The following MED16 variants were observed in gnomAD, a reference collection of about 807,000 sequenced individuals.
The protein encoded by MED16 is mediator complex subunit 16, also known as mediator of RNA polymerase II transcription subunit 16.
Under a neutral mutation model 84.4 loss-of-function variants are expected in MED16, and 81 were observed. That is an observed-to-expected ratio of 0.96 (90% confidence interval 0.80 to 1.15). The LOEUF is 1.15. MED16 is among the 50% of genes most tolerant of loss of function. The pLI is 0.00. For missense variants in MED16, 1,585 were observed against 1,245.9 expected, an observed-to-expected ratio of 1.27 and a Z score of -4.10; for synonymous variants, 897 against 552.2, an observed-to-expected ratio of 1.62 and a Z score of -8.76.
rs375159769 is a variant in MED16 at position 871,968 on chromosome 19, T to C, written c.2056A>G (p.Met686Val). The C allele has an allele frequency of 5.6e-6, 9 of 1,602,210 alleles. No homozygotes were observed. In the African/African-American group the frequency reaches 1.2e-4, roughly 22 times the overall value. The change falls in exon 12 of 16, where the codon ATG becomes GTG. Residue 686 changes from methionine to valine, a missense_variant. Met to Val is a conservative substitution (Grantham distance 21). Coordinates refer to ENST00000325464, the MANE Select transcript of MED16 (RefSeq NM_005481.3). ...GTGAGCAGGCGGAAGAGCAGGGACA[T>C]GCTGTCCTGGGTATCCGAGGTGGCC... ...YTATSDTQDS[M>V]SLLFRLLTKL...
intron 10 of MED16, among the ~76,000 whole-genome samples, 188 bp from the exon 11 acceptor site, chr19:873,770 C>T (rs1050341964): frequency 4.8e-5 from 7 of 145,320 alleles, no homozygotes; most frequent in South Asian, 2.2e-4. Context: ...CCACTGCCTG[C>T]CCCCCCCCGG....
intron 14 of MED16, 124 bp downstream of exon 14, chr19:868,739 C>A: frequency 8.6e-7 from 1 of 1,165,902 alleles, no homozygotes; most frequent in South Asian, 1.5e-5. Flanking sequence ...GGCTCCAACA[C>A]TCCCTCTGGG....
chr19:890,907 G>C (rs2036618551), intron 2 of MED16, 56 bp downstream of exon 2: 2 of 1,567,860 alleles, frequency 1.3e-6, no homozygotes, highest in Admixed American at 1.8e-5. Context: ...GGCACCTGGG[G>C]AACAGGGCGG....
chr19:885,461 G>C (rs936971209), intron 5 of MED16, among the ~76,000 whole-genome samples: 4 of 152,124 alleles, frequency 2.6e-5, no homozygotes, highest in Non-Finnish European at 4.4e-5. Flanking sequence ...GTTGGGGGGG[G>C]TCCGGGGGCC....
chr19:881,532 G>A (rs772760093), intron 7 of MED16, 27 bp downstream of exon 7: 131 of 1,595,840 alleles, frequency 8.2e-5, no homozygotes, highest in Admixed American at 7.6e-4. Flanking sequence ...CTGAGGCCCC[G>A]CGTGGCTGCC....
chr19:871,504 T>C, intron 12 of MED16: 9 of 1,513,726 alleles, frequency 5.9e-6, no homozygotes, highest in African/African-American at 1.4e-5. Flanking sequence ...AAAAAGTATG[T>C]GGGAAGCACT....
intron 13 of MED16, among the ~76,000 whole-genome samples, chr19:870,213 G>A (rs7256798): frequency 0.016 from 2,452 of 152,254 alleles, 72 homozygotes; most frequent in African/African-American, 0.055. Context: ...CAGAGACTAA[G>A]GGCAGAGGCT....
rs117182092 is a variant in MED16, at chr19:874,404, C to T, written c.1772-822G>A. ...TGGGATTACACACGAGTCGCCACGC[C>T]CAGCAACCCTAATTTTTAAAAGAAA... On this transcript the variant is annotated intron_variant, in intron 10 of 15. Transcript: ENST00000325464. Among the ~76,000 whole-genome samples, 18 of 152,210 alleles carry T rather than the reference C, an allele frequency of 1.2e-4. No individual in the cohort carries two copies. In the East Asian group the frequency reaches 3.5e-3, roughly 29 times the overall value.
intron 4 of MED16, among the ~76,000 whole-genome samples, chr19:888,366 T>C (rs1346410545): frequency 6.7e-6 from 1 of 149,948 alleles, no homozygotes; most frequent in Non-Finnish European, 1.5e-5. Flanking sequence ...TACTAAAAAA[T>C]TACAAAAATT....
intron 4 of MED16, among the ~76,000 whole-genome samples, chr19:889,421 C>A (rs939770778): frequency 6.6e-6 from 1 of 152,192 alleles, no homozygotes; most frequent in African/African-American, 2.4e-5. Flanking sequence ...CCAATGACAG[C>A]CAGACTGCAG....
At chr19:868,808 T>A in intron 14 of MED16, 55 bp downstream of exon 14, 1 of 1,516,936 alleles carries the variant, frequency 6.6e-7, no homozygotes, top group Non-Finnish European at 8.9e-7. Context: ...TAGAATCAGC[T>A]GAGCCATCCC....
In MED16 at chr19:876,838, A is replaced by G. The variant is rs377198439; in HGVS notation, c.1560+136T>C. 6.6e-4 allele frequency: 536 copies of G among 810,918 alleles called. 8 individuals are homozygous for G. In the South Asian group the frequency reaches 8.7e-3, roughly 13 times the overall value. 50.2% of individuals were successfully genotyped at this position (810,918 alleles called of 1,614,324 possible). On this transcript the variant is annotated intron_variant, in intron 9 of 15. Coordinates refer to ENST00000325464, the MANE Select transcript of MED16 (RefSeq NM_005481.3). ...ACTGACCACGGGGCCCCTGCCTGCC[A>G]CAGGGACAGCCCCACCTGGCACGGG...
rs1300816948 is a variant in MED16, at chr19:877,796, C to G, written c.1354-616G>C. 4.5e-5 allele frequency among the ~76,000 whole-genome samples: 5 copies of G among 111,814 alleles called. No homozygotes were observed. In the Admixed American group the frequency reaches 4.6e-4, roughly 10 times the overall value. The allele number at this position is 111,814 out of a possible 152,430, so 73.4% of individuals were successfully genotyped here. On this transcript the variant is annotated intron_variant, in intron 8 of 15. Coordinates refer to ENST00000325464, the MANE Select transcript of MED16 (RefSeq NM_005481.3). ...CCCAGCCCCAGCCCCAGCCCCAGCC[C>G]CACGTGCCCCAGCAGCTCGCCTTCC...
chr19:870,985 G>C (rs2036036252), intron 13 of MED16, 52 bp downstream of exon 13: 1 of 1,453,776 alleles, frequency 6.9e-7, no homozygotes. Context: ...CCCGGGGCAG[G>C]ACACGGAGGA....
rs2035952943 is a variant in MED16, at chr19:867,970, A to T, written c.*131T>A. 4 of 1,253,602 alleles carry T rather than the reference A, an allele frequency of 3.2e-6. No individual in the cohort carries two copies. Among genetic ancestry groups the T allele is most frequent in the Admixed American group, 5.6e-5 (2 of 35,630 alleles). 77.7% of individuals were successfully genotyped at this position (1,253,602 alleles called of 1,614,324 possible). A position where few individuals can be genotyped will look rare whatever the true frequency, so the allele number is the denominator to read the frequency against. On this transcript the variant is annotated 3_prime_UTR_variant, in exon 16 of 16. Coordinates refer to ENST00000325464, the MANE Select transcript of MED16 (RefSeq NM_005481.3). ...ACGGCAGGGACGCGGGCCTGGGCGC[A>T]GAGGGCGTTTATTGGACCTGTCCTT...
chr19:876,144 T>C (rs996297920), intron 9 of MED16, among the ~76,000 whole-genome samples: 1 of 152,156 alleles, frequency 6.6e-6, no homozygotes, highest in South Asian at 2.1e-4. Flanking sequence ...GGATTTTTTT[T>C]TTCCCATTTT....
Position 875,396 on chromosome 19 carries a change from G to T in MED16, c.1619C>A (p.Thr540Lys), listed in dbSNP as rs201618878. Residue 540 changes from threonine to lysine, a missense_variant, in exon 10 of 16, where the codon ACG (threonine) becomes AAG (lysine). Physicochemically the swap from Thr to Lys is moderately conservative, Grantham distance 78. Transcript: ENST00000325464. ...KASLCKLSPCTVTRVCDYHTK... is the reference protein window; with the variant it reads ...KASLCKLSPCKVTRVCDYHTK... The stretch of plus-strand genomic sequence containing the variant: ...GTGGTAGTCGCACACGCGGGTCACC[G>T]TGCAGGGCGACAGCTTGCAGAGCGA... The T allele has an allele frequency of 3.1e-6, 5 of 1,608,088 alleles. No homozygotes were observed. The highest frequency in any genetic ancestry group is 4.2e-6 in the Non-Finnish European group (5 of 1,179,750).
In MED16 at chr19:876,544, ACAG is replaced by A. The variant is rs1428623070; in HGVS notation, c.1560+427_1560+429del. On this transcript the variant is annotated intron_variant, in intron 9 of 15. Transcript: ENST00000325464. ...CCTTACCTGTGGGGCTTAACGTGTT[ACAG>A]AAGAAACTTCCCAGGTAAGGAAGGA... Among the ~76,000 whole-genome samples, 7 of 152,072 alleles carry A rather than the reference ACAG, an allele frequency of 4.6e-5. No homozygotes were observed. In the East Asian group the frequency reaches 1.3e-3, roughly 29 times the overall value.
intron 6 of MED16, among the ~76,000 whole-genome samples, chr19:883,006 A>G (rs997054622): frequency 3.3e-5 from 5 of 152,198 alleles, no homozygotes; most frequent in Admixed American, 2.6e-4. Context: ...TAGGAAAGAC[A>G]GGAAACTCAA....
Sources: gnomAD v4.1 joint callset for allele counts (sites outside exome capture counted in the v4.1 genomes callset) on GRCh38, gnomAD v4.1.1 for gene constraint, MANE v1.5 for transcripts, NCBI Gene and HGNC (gene_info 2026-07-23, HGNC 2026-07-21) for gene names.